The following DIAPH3 variants were observed in gnomAD, a reference collection of about 807,000 sequenced individuals.
DIAPH3 encodes protein diaphanous homolog 3.
In DIAPH3, 117 loss-of-function variants were observed where a neutral mutation model predicts 144.3. The observed-to-expected ratio is 0.81, with a 90% CI of 0.70 to 0.95. The LOEUF is 0.95. DIAPH3 is among the 40% of genes least tolerant of loss of function. The probability of loss-of-function intolerance (pLI) is 0.00; values close to 1 mark genes in which losing one functional copy is unlikely to be tolerated. For synonymous variants in DIAPH3, 519 were observed against 488.9 expected (o/e 1.06, Z -0.81); for missense variants, 1,421 against 1,412.7 (o/e 1.01, Z -0.09).
chr13:59,786,512 C>T (rs1028137879), intron 25 of DIAPH3, among the ~76,000 whole-genome samples: 5 of 151,816 alleles, frequency 3.3e-5, no homozygotes, highest in African/African-American at 7.3e-5. Flanking sequence ...AAAATAATTC[C>T]GGATAAAAAA....
chr13:59,911,482 A>G (rs778517803), intron 20 of DIAPH3, among the ~76,000 whole-genome samples: 5 of 152,234 alleles, frequency 3.3e-5, no homozygotes, highest in Non-Finnish European at 7.4e-5. Flanking sequence ...ACATTTTAAC[A>G]TTAAATAGAG....
At chr13:60,054,401 T>C (rs894876185) in intron 4 of DIAPH3, among the ~76,000 whole-genome samples, 4 of 152,018 alleles carry the variant, frequency 2.6e-5, no homozygotes, top group Non-Finnish European at 5.9e-5. Flanking sequence ...AAAGCCTAAA[T>C]AGTGAAAAAG....
intron 22 of DIAPH3, among the ~76,000 whole-genome samples, chr13:59,845,977 A>C (rs1194422532): frequency 6.6e-6 from 1 of 152,202 alleles, no homozygotes; most frequent in East Asian, 1.9e-4. Context: ...AGAGCGTTAA[A>C]AATGAAACAG....
At chr13:60,104,123 G>C (rs1379891409) in intron 3 of DIAPH3, among the ~76,000 whole-genome samples, 1 of 152,004 alleles carries the variant, frequency 6.6e-6, no homozygotes, top group Admixed American at 6.5e-5. Context: ...CCAAGAACCT[G>C]GAACTTAGAA....
chr13:59,987,491 A>C lies in DIAPH3; in HGVS notation c.1362-3604T>G, dbSNP rs1462161152. Among the ~76,000 whole-genome samples the C allele has an allele frequency of 2.8e-4, 35 of 125,906 alleles. 1 individual carries two copies. Among genetic ancestry groups the C allele is most frequent in the African/African-American group, 1.1e-3 (34 of 31,836 alleles). The allele number at this position is 125,906 out of a possible 152,430, so 82.6% of individuals were successfully genotyped here. ...AAAGTATAATAAAAAAAAAAAAAAG[A>C]AAAAAAAAAAAGACCAAACCAAAAA... On this transcript the variant is annotated intron_variant, in intron 12 of 27. Transcript: ENST00000400324.
chr13:60,004,856 TTA>T (rs1327626228), intron 9 of DIAPH3, among the ~76,000 whole-genome samples: 3 of 152,154 alleles, frequency 2.0e-5, no homozygotes, highest in African/African-American at 7.2e-5. Context: ...AATCAGCTAC[TTA>T]TATATTGGCA....
intron 25 of DIAPH3, among the ~76,000 whole-genome samples, chr13:59,800,516 GTTTC>G (rs2039850220): frequency 6.6e-6 from 1 of 152,124 alleles, no homozygotes; most frequent in Admixed American, 6.5e-5. Flanking sequence ...AGAGAAGAAC[GTTTC>G]TTTAATTTCC....
intron 20 of DIAPH3, among the ~76,000 whole-genome samples, chr13:59,882,559 A>C (rs75546540): frequency 0.037 from 5,582 of 152,292 alleles, 120 homozygotes; most frequent in Non-Finnish European, 0.049. Context: ...TTTTCCTGCT[A>C]AGAAAACTAA....
intron 4 of DIAPH3, among the ~76,000 whole-genome samples, chr13:60,043,580 A>G (rs943413749): frequency 1.1e-4 from 16 of 152,342 alleles, no homozygotes; most frequent in African/African-American, 3.6e-4. Context: ...ATAGAGCACT[A>G]CTATGCAATT....
rs2057811268 is a variant in DIAPH3, at chr13:60,088,167, A to G, written c.495+5461T>C. On this transcript the variant is annotated intron_variant, in intron 4 of 27. Transcript: ENST00000400324. ...CTGGACAGTTTAATCATCTTGACCT[A>G]CGAAAATTAATTGGGGAAAAAGACA... 4.6e-5 allele frequency among the ~76,000 whole-genome samples: 7 copies of G among 152,180 alleles called. No individual in the cohort carries two copies. The South Asian group carries it at 1.5e-3, about 32-fold the overall frequency.
chr13:59,788,049 A>G lies in DIAPH3; in HGVS notation c.3164-13226T>C, dbSNP rs143262346. ...TTCTTCATAAGCTACTCAGTTTATGATATTTTTTATAGCAGACTGAATGGA... is the reference window on the plus strand; with the variant it reads ...TTCTTCATAAGCTACTCAGTTTATGGTATTTTTTATAGCAGACTGAATGGA... On this transcript the variant is annotated intron_variant, in intron 25 of 27. Transcript: ENST00000400324. 7.2e-5 allele frequency among the ~76,000 whole-genome samples: 11 copies of G among 152,334 alleles called. No homozygotes were observed. In the East Asian group the frequency reaches 2.1e-3, roughly 29 times the overall value.
chr13:60,146,961 G>A (rs1951555137), intron 1 of DIAPH3, among the ~76,000 whole-genome samples: 1 of 152,200 alleles, frequency 6.6e-6, no homozygotes, highest in South Asian at 2.1e-4. Context: ...CATCACTGAT[G>A]TTGTTTCACT....
intron 23 of DIAPH3, chr13:59,837,731 C>T: frequency 9.2e-6 from 1 of 108,990 alleles, no homozygotes. Flanking sequence ...GAAGGTAGTA[C>T]AAAAAAATTT....
chr13:59,851,007 C>T (rs10467572), intron 22 of DIAPH3, among the ~76,000 whole-genome samples: 6 of 147,686 alleles, frequency 4.1e-5, no homozygotes, highest in African/African-American at 1.3e-4. Context: ...AAAGAGGGAA[C>T]CCTCCCTAAC....
intron 27 of DIAPH3, among the ~76,000 whole-genome samples, chr13:59,688,645 T>C (rs2033341504): frequency 6.6e-6 from 1 of 152,046 alleles, no homozygotes. Context: ...ACATAATAAA[T>C]ACAATAGAAT....
Position 59,796,341 on chromosome 13 carries a change from T to A in DIAPH3, c.3163+14447A>T, listed in dbSNP as rs2139437513. On this transcript the variant is annotated intron_variant, in intron 25 of 27. Coordinates refer to ENST00000400324, the MANE Select transcript of DIAPH3 (RefSeq NM_001042517.2). ...TACACTATGCTGAACATGTCACACA[T>A]TAAGGATGCACCATAACTAGATTAG... 2.0e-5 allele frequency among the ~76,000 whole-genome samples: 3 copies of A among 152,308 alleles called. No individual in the cohort carries two copies. The Middle Eastern group carries it at 0.01, about 518-fold the overall frequency.
chr13:60,011,136 G>A (rs1345004441), intron 7 of DIAPH3, among the ~76,000 whole-genome samples: 1 of 151,844 alleles, frequency 6.6e-6, no homozygotes, highest in Non-Finnish European at 1.5e-5. Flanking sequence ...AGTTCATAAG[G>A]GTATTCACTT....
chr13:59,927,343 T>TA (rs1489753666), intron 17 of DIAPH3, among the ~76,000 whole-genome samples: 1 of 152,172 alleles, frequency 6.6e-6, no homozygotes, highest in Non-Finnish European at 1.5e-5. Flanking sequence ...GGTTAGCACT[T>TA]ACTTCTGTCA....
intron 9 of DIAPH3, 79 bp from the exon 10 acceptor site, chr13:59,992,662 G>A (rs2051909547): frequency 2.7e-6 from 3 of 1,104,116 alleles, no homozygotes; most frequent in African/African-American, 1.6e-5. Context: ...TCAAGGTTTT[G>A]TTCCAGCATT....
Sources: gnomAD v4.1 joint callset for allele counts (sites outside exome capture counted in the v4.1 genomes callset) on GRCh38, gnomAD v4.1.1 for gene constraint, MANE v1.5 for transcripts, NCBI Gene and HGNC (gene_info 2026-07-23, HGNC 2026-07-21) for gene names.